The following PCNT variants were observed in gnomAD, a reference collection of about 807,000 sequenced individuals.
PCNT encodes the protein pericentrin, also known as kendrin.
A neutral mutation model predicts 380.4 loss-of-function variants in PCNT; 319 were observed. That is an observed-to-expected ratio of 0.84 (90% CI 0.77 to 0.92). PCNT has a LOEUF of 0.92. Among genes scored for constraint, PCNT ranks in the 40% least tolerant of loss-of-function variants. The pLI, the probability that PCNT is intolerant of heterozygous loss-of-function variation, is 0.00. For synonymous variants in PCNT, 1,845 were observed against 1,735.2 expected (o/e 1.06, Z -1.57); for missense variants, 4,400 against 4,255.3 (o/e 1.03, Z -0.95).
chr21:46,438,398 T>C, intron 41 of PCNT, 61 bp downstream of exon 41: 1 of 1,508,668 alleles, frequency 6.6e-7, no homozygotes, highest in South Asian at 1.1e-5. Context: ...CCAGAGCAGC[T>C]CCACCCCACA....
chr21:46,364,223 C>T (rs1453820471), intron 14 of PCNT, among the ~76,000 whole-genome samples: 6 of 147,270 alleles, frequency 4.1e-5, no homozygotes, highest in East Asian at 4.0e-4. Context: ...GCCCCCTGGC[C>T]GCAGTGGGAC....
chr21:46,351,357 C>T, intron 8 of PCNT, 72 bp from the exon 9 acceptor site: 2 of 842,168 alleles, frequency 2.4e-6, no homozygotes, highest in Non-Finnish European at 4.2e-6. Flanking sequence ...AGGGATAAAA[C>T]CGCACACGTC....
intron 41 of PCNT, among the ~76,000 whole-genome samples, chr21:46,439,783 A>C (rs1474826091): frequency 6.6e-6 from 1 of 152,180 alleles, no homozygotes; most frequent in African/African-American, 2.4e-5. Context: ...AAAGCTTTGA[A>C]TTTGGGGTGA....
chr21:46,434,297 G>A (rs898108450), intron 38 of PCNT, among the ~76,000 whole-genome samples: 4 of 152,222 alleles, frequency 2.6e-5, no homozygotes, highest in African/African-American at 7.2e-5. Context: ...TGAGTGAGGC[G>A]CTGTCAGGAG....
At chr21:46,365,875 T>G (rs367758177) in intron 14 of PCNT, among the ~76,000 whole-genome samples, 1 of 120,996 alleles carries the variant, frequency 8.3e-6, no homozygotes, top group Non-Finnish European at 1.5e-5. Context: ...CGTGGGGTTC[T>G]ATTCACTCAC....
At position 46,324,209 on chromosome 21, in the gene PCNT, C is replaced by A. The variant is rs779988773; in HGVS notation, c.-20C>A. 3.7e-6 allele frequency: 6 copies of A among 1,607,252 alleles called. No homozygotes were observed. In the Admixed American group the frequency reaches 1.0e-4, roughly 27 times the overall value. On this transcript the variant is annotated 5_prime_UTR_variant, in exon 1 of 47. Transcript: ENST00000359568. ...GTCAGCCCCGTCACCGCCGGGCGGC[C>A]CGCGCGGAGTCTGAGGGAGATGGAA...
chr21:46,381,853 C>A lies in PCNT; in HGVS notation c.3312+13C>A. 6 of 1,613,664 alleles carry A rather than the reference C, an allele frequency of 3.7e-6. No individual in the cohort carries two copies. The highest frequency in any genetic ancestry group is 5.1e-6 in the Non-Finnish European group (6 of 1,179,548). On this transcript the variant is annotated intron_variant, in intron 16 of 46. Transcript: ENST00000359568. Reference sequence around the variant, plus strand: ...CCAAGTCCAGCAGGTGTGTGGAATACGCTGTTCCCTTGTGATAAGACGTGT... The same window carrying A: ...CCAAGTCCAGCAGGTGTGTGGAATAAGCTGTTCCCTTGTGATAAGACGTGT...
At chr21:46,415,019 G>A (rs1409485820) in intron 29 of PCNT, among the ~76,000 whole-genome samples, 3 of 152,254 alleles carry the variant, frequency 2.0e-5, no homozygotes, top group African/African-American at 7.2e-5. Context: ...AGGGTGGCAC[G>A]GAAGCATGCT....
chr21:46,349,892 T>C, intron 8 of PCNT, 72 bp downstream of exon 8: 1 of 1,393,864 alleles, frequency 7.2e-7, no homozygotes, highest in Non-Finnish European at 1.0e-6. Context: ...AATTGGGCTA[T>C]TTCGTATTGT....
intron 13 of PCNT, among the ~76,000 whole-genome samples, chr21:46,362,102 C>A (rs541981356): frequency 6.6e-6 from 1 of 152,314 alleles, no homozygotes; most frequent in East Asian, 1.9e-4. Flanking sequence ...GCATGCTCCC[C>A]TGCGTCTGTG....
Position 46,416,758 on chromosome 21 carries a change from A to T in PCNT, c.6840A>T (p.Pro2280=), listed in dbSNP as rs1249350066. ...AGGGGCCGGGGCTGCTTTGTTCCCC[A>T]GGCGTGTCTGCAGCAGCGCTGGCAC... ...QTQGPGLLCS[P]GVSAAALALQ... Residue 2280 remains proline (P), a synonymous_variant, in exon 30 of 47, where the codon CCA becomes CCT. Transcript: ENST00000359568. 6.2e-7 allele frequency: 1 copy of T among 1,604,166 alleles called. No homozygotes were observed. The highest frequency in any genetic ancestry group is 8.5e-7 in the Non-Finnish European group (1 of 1,176,750).
Position 46,411,398 on chromosome 21 carries a change from G to A in PCNT, c.5325G>A (p.Leu1775=), listed in dbSNP as rs200619250. Residue 1775 remains leucine, a synonymous_variant, in exon 28 of 47, where the codon CTG becomes CTA. Coordinates refer to ENST00000359568, the MANE Select transcript of PCNT (RefSeq NM_006031.6). ...AGGCTGGCAGTCTGCAGAGCGAGCT[G>A]CTCTGCTCCCAGGCCGGGGGCCCTC... ...DSQAGSLQSE[L]LCSQAGGPRG... The A allele has an allele frequency of 1.2e-6, 2 of 1,613,698 alleles. No individual in the cohort carries two copies. The highest frequency in any genetic ancestry group is 2.2e-5 in the East Asian group (1 of 44,876).
intron 26 of PCNT, among the ~76,000 whole-genome samples, 163 bp downstream of exon 26, chr21:46,401,884 C>T (rs1028039418): frequency 2.0e-5 from 3 of 152,132 alleles, no homozygotes; most frequent in Admixed American, 6.6e-5. Context: ...GAGTTTTGCT[C>T]TTGTTGCCCA....
At position 46,363,769 on chromosome 21, in the gene PCNT, C is replaced by A. The variant is rs201895762; in HGVS notation, c.2444C>A (p.Thr815Lys). The A allele has an allele frequency of 2.5e-6, 4 of 1,613,938 alleles. No homozygotes were observed. In the African/African-American group the frequency reaches 4.0e-5, roughly 16 times the overall value. Residue 815 changes from threonine to lysine, a missense_variant, in exon 14 of 47, where the codon ACG (threonine) becomes AAG (lysine). Physicochemically the swap from Thr to Lys is moderately conservative, Grantham distance 78. Coordinates refer to ENST00000359568, the MANE Select transcript of PCNT (RefSeq NM_006031.6). ...ATCCTGGATCTGGAGAGGTCCTTGACGGAGCAGCAGGGCCGCCTGCAGCAG... is the reference window on the plus strand; with the variant it reads ...ATCCTGGATCTGGAGAGGTCCTTGAAGGAGCAGCAGGGCCGCCTGCAGCAG... ...AQILDLERSL[T>K]EQQGRLQQLE...
At chr21:46,407,002 G>T (rs1327758063) in intron 27 of PCNT, among the ~76,000 whole-genome samples, 1 of 152,200 alleles carries the variant, frequency 6.6e-6, no homozygotes, top group Admixed American at 6.5e-5. Flanking sequence ...GTGTTCATGA[G>T]GGATGTTGGT....
At chr21:46,406,749 G>C (rs995249779) in intron 27 of PCNT, among the ~76,000 whole-genome samples, 1 of 152,210 alleles carries the variant, frequency 6.6e-6, no homozygotes, top group South Asian at 2.1e-4. Flanking sequence ...CTTTTTATCA[G>C]ATCAAGGAAG....
At chr21:46,371,795 A>G (rs1040155744) in intron 15 of PCNT, among the ~76,000 whole-genome samples, 1 of 151,890 alleles carries the variant, frequency 6.6e-6, no homozygotes, top group Non-Finnish European at 1.5e-5. Context: ...CACACAGCAC[A>G]TGTGCACACA....
At chr21:46,430,329 C>T (rs2087696798) in intron 36 of PCNT, 97 bp downstream of exon 36, 2 of 1,400,962 alleles carry the variant, frequency 1.4e-6, no homozygotes, top group Non-Finnish European at 2.0e-6. Flanking sequence ...TGGTGGGCCG[C>T]AGTTGGGCAG....
At chr21:46,347,783 G>A (rs531839179) in intron 6 of PCNT, among the ~76,000 whole-genome samples, 30 of 152,318 alleles carry the variant, frequency 2.0e-4, no homozygotes, top group African/African-American at 7.2e-4. Context: ...CCCATGGCCT[G>A]CCCCTGAGCT....
Sources: allele counts gnomAD v4.1 joint callset (sites outside exome capture counted in the v4.1 genomes callset), GRCh38; gene constraint gnomAD v4.1.1; transcripts MANE v1.5; gene names NCBI Gene and HGNC (gene_info 2026-07-23, HGNC 2026-07-21).